The following CENPP variants were observed in gnomAD, a reference collection of about 807,000 sequenced individuals.
CENPP encodes centromere protein P.
CENPP carries 24 observed loss-of-function variants against 35.6 expected under a neutral mutation model. The ratio of observed to expected loss-of-function variants is 0.67; its 90% CI spans 0.49 to 0.95. The LOEUF (loss-of-function observed/expected upper bound fraction) is 0.95, where lower values mean the gene tolerates loss of function less well. CENPP is among the 40% of genes least tolerant of loss of function. The pLI, the probability that CENPP is intolerant of heterozygous loss-of-function variation, is 0.00. For synonymous variants in CENPP, 120 were observed against 125.5 expected (o/e 0.96, Z 0.29); for missense variants, 332 against 345.3 (o/e 0.96, Z 0.31).
At chr9:92,474,894 T>C in intron 5 of CENPP, 3 of 1,610,722 alleles carry the variant, frequency 1.9e-6, no homozygotes, top group Non-Finnish European at 2.5e-6. Flanking sequence ...ACATACTCCT[T>C]CATGGTGTCT....
At chr9:92,570,576 G>C (rs1197025045) in intron 5 of CENPP, among the ~76,000 whole-genome samples, 1 of 152,142 alleles carries the variant, frequency 6.6e-6, no homozygotes. Flanking sequence ...TTGGTATCAG[G>C]ATGATGCTGG....
intron 5 of CENPP, among the ~76,000 whole-genome samples, chr9:92,605,450 G>A (rs1260680863): frequency 6.6e-6 from 1 of 152,002 alleles, no homozygotes; most frequent in East Asian, 1.9e-4. Flanking sequence ...ATGCCACGGT[G>A]TGACCTCACA....
chr9:92,426,279 A>C (rs774964059), intron 5 of CENPP, among the ~76,000 whole-genome samples: 7 of 152,192 alleles, frequency 4.6e-5, no homozygotes, highest in Non-Finnish European at 8.8e-5. Flanking sequence ...AGTGTAAATT[A>C]TATGCTATGA....
At chr9:92,509,627 G>A (rs948119256) in intron 5 of CENPP, among the ~76,000 whole-genome samples, 1 of 152,180 alleles carries the variant, frequency 6.6e-6, no homozygotes, top group Non-Finnish European at 1.5e-5. Context: ...TTTTGGATTT[G>A]TAGTAAATTT....
chr9:92,531,550 G>A (rs1357484462), intron 5 of CENPP, among the ~76,000 whole-genome samples: 2 of 151,618 alleles, frequency 1.3e-5, no homozygotes, highest in Non-Finnish European at 2.9e-5. Context: ...TTTTTTATGG[G>A]GAGATGCCCT....
chr9:92,571,511 A>C lies in CENPP; in HGVS notation c.565-39803A>C, dbSNP rs113594045. Among the ~76,000 whole-genome samples, 356 of 152,288 alleles carry C rather than the reference A, an allele frequency of 2.3e-3. 1 individual carries two copies. Among genetic ancestry groups the C allele is most frequent in the African/African-American group, 8.2e-3 (341 of 41,566 alleles). ...TGCTTTACTTCCAACTATGTGGTCA[A>C]TTTTGGAGTAAGTGCAATTTGGTGC... On this transcript the variant is annotated intron_variant, in intron 5 of 7. Coordinates refer to ENST00000375587, the MANE Select transcript of CENPP (RefSeq NM_001012267.3).
chr9:92,541,626 G>A (rs560839669), intron 5 of CENPP, among the ~76,000 whole-genome samples: 95 of 151,582 alleles, frequency 6.3e-4, no homozygotes, highest in African/African-American at 2.1e-3. Flanking sequence ...AATGTCCTCC[G>A]GGTTCATCCA....
chr9:92,415,759 G>T (rs1244553766), intron 5 of CENPP, among the ~76,000 whole-genome samples: 2 of 147,486 alleles, frequency 1.4e-5, no homozygotes. Flanking sequence ...CACTACTTAG[G>T]ATACTCATAT....
chr9:92,566,253 T>C (rs544818961), intron 5 of CENPP, among the ~76,000 whole-genome samples: 7 of 151,492 alleles, frequency 4.6e-5, no homozygotes, highest in Non-Finnish European at 8.8e-5. Flanking sequence ...TGACCAAAGA[T>C]TGCGCCATTG....
intron 5 of CENPP, among the ~76,000 whole-genome samples, chr9:92,490,095 C>A (rs1392103057): frequency 6.6e-6 from 1 of 152,244 alleles, no homozygotes; most frequent in Non-Finnish European, 1.5e-5. Context: ...TCCCTGGAAA[C>A]ATTGACACTC....
At chr9:92,586,790 C>G (rs1850551202) in intron 5 of CENPP, among the ~76,000 whole-genome samples, 1 of 152,110 alleles carries the variant, frequency 6.6e-6, no homozygotes, top group Non-Finnish European at 1.5e-5. Context: ...ACTGACCACA[C>G]ACAAGCAGGA....
rs951276171 is a variant in CENPP, at chr9:92,616,970, C to A, written c.*3821C>A. The A allele has an allele frequency of 2.6e-5, 4 of 152,332 alleles. No individual in the cohort carries two copies. Among genetic ancestry groups the A allele is most frequent in the Admixed American group, 1.3e-4 (2 of 15,296 alleles). 9.4% of individuals were successfully genotyped at this position (152,332 alleles called of 1,614,324 possible). A position where few individuals can be genotyped will look rare whatever the true frequency, so the allele number is the denominator to read the frequency against. ...AAGCTCCTGCCGAGGAGAGGAAATA[C>A]TGATCAGCACGTCCCTGCTCTGACG... On this transcript the variant is annotated 3_prime_UTR_variant, in exon 8 of 8. Coordinates refer to ENST00000375587, the MANE Select transcript of CENPP (RefSeq NM_001012267.3).
rs1362018344 is a variant in CENPP at position 92,571,839 on chromosome 9, CTTCT to C, written c.565-39472_565-39469del. ...GATCCCTTTACCATTATGTAATGGCCTTCTTTGTCTCTTTTGACCTTTGTTGGTT... is the reference window on the plus strand; with the variant it reads ...GATCCCTTTACCATTATGTAATGGCCTTGTCTCTTTTGACCTTTGTTGGTT... On this transcript the variant is annotated intron_variant, in intron 5 of 7. Transcript: ENST00000375587. 3.3e-5 allele frequency among the ~76,000 whole-genome samples: 5 copies of C among 150,914 alleles called. No individual in the cohort carries two copies. In the East Asian group the frequency reaches 9.7e-4, roughly 29 times the overall value.
At chr9:92,585,507 T>C (rs1420150503) in intron 5 of CENPP, among the ~76,000 whole-genome samples, 1 of 152,210 alleles carries the variant, frequency 6.6e-6, no homozygotes, top group Non-Finnish European at 1.5e-5. Flanking sequence ...TTGATTTCAT[T>C]TCTCATCGTT....
In CENPP at chr9:92,337,555, C is replaced by A. The variant is rs1840969012; in HGVS notation, c.304C>A (p.Leu102Ile). 6.2e-7 allele frequency: 1 copy of A among 1,601,098 alleles called. No individual in the cohort carries two copies. The highest frequency in any genetic ancestry group is 8.6e-7 in the Non-Finnish European group (1 of 1,168,446). ...CTGCTTTACAGGTATTAGAAAAGTT[C>A]TACAGAGACACAGATTATCAGGAAA... ...EMTEKSIRKV[L>I]QRHRLSGNCH... Residue 102 changes from leucine (L) to isoleucine (I), a missense_variant, in exon 3 of 8, where the codon CTA (leucine) becomes ATA (isoleucine). Transcript: ENST00000375587.
At chr9:92,454,941 A>G (rs1177944804) in intron 5 of CENPP, among the ~76,000 whole-genome samples, 2 of 152,198 alleles carry the variant, frequency 1.3e-5, no homozygotes, top group African/African-American at 4.8e-5. Context: ...TCAAAAAAGT[A>G]GCAGTTTTGT....
chr9:92,397,467 C>T (rs1842936372), intron 5 of CENPP, among the ~76,000 whole-genome samples: 1 of 152,136 alleles, frequency 6.6e-6, no homozygotes, highest in South Asian at 2.1e-4. Flanking sequence ...GCTGGGATTA[C>T]AGACATGTGC....
chr9:92,449,437 C>CAAAAAAAAAAAAAAA (rs56218626), intron 5 of CENPP, among the ~76,000 whole-genome samples: 10 of 54,958 alleles, frequency 1.8e-4, no homozygotes, highest in Non-Finnish European at 3.0e-4. Context: ...ACTCTATCTC[C>CAAAAAAAAAAAAAAA]AAAAAAAAAA....
At chr9:92,355,809 C>T (rs1022115664) in intron 4 of CENPP, among the ~76,000 whole-genome samples, 2 of 152,206 alleles carry the variant, frequency 1.3e-5, no homozygotes, top group Non-Finnish European at 2.9e-5. Flanking sequence ...TGGAACATTG[C>T]ATTTCTCAAC....
Sources: allele counts gnomAD v4.1 joint callset (sites outside exome capture counted in the v4.1 genomes callset), GRCh38; gene constraint gnomAD v4.1.1; transcripts MANE v1.5; gene names NCBI Gene and HGNC (gene_info 2026-07-23, HGNC 2026-07-21).